JSRP1: variants seen among roughly 807,000 people sequenced by gnomAD.
The protein encoded by JSRP1 is 2310032K21Rik.
Under a neutral mutation model 21.4 loss-of-function variants are expected in JSRP1, and 29 were observed. That is an observed-to-expected ratio of 1.36 (90% CI 1.01 to 1.85). JSRP1 has a LOEUF of 1.85. Ranked by LOEUF, JSRP1 falls within the 40% of genes most tolerant of loss-of-function variation. The pLI is 0.00. For missense variants in JSRP1, 531 were observed against 461.5 expected (o/e 1.15, Z -1.38); for synonymous variants, 221 against 206.1 (o/e 1.07, Z -0.62).
At chr19:2,255,075 T>G in intron 2 of JSRP1, 131 bp downstream of exon 2, 1 of 532,276 alleles carries the variant, frequency 1.9e-6, no homozygotes, top group Non-Finnish European at 3.3e-6. Flanking sequence ...GGGCCAGGGG[T>G]TGAACATGGG....
At chr19:2,253,041 GAGGCACGGTCCAC>G (rs1435137764) in intron 5 of JSRP1, 38 bp from the exon 6 acceptor site, 6 of 1,450,282 alleles carry the variant, frequency 4.1e-6, no homozygotes, top group Non-Finnish European at 5.7e-6. Flanking sequence ...CAGCTGGGCC[GAGGCACGGTCCAC>G]ACTGTCCATC....
At chr19:2,255,971 A>G (rs1383154514) in intron 1 of JSRP1, among the ~76,000 whole-genome samples, 1 of 152,166 alleles carries the variant, frequency 6.6e-6, no homozygotes, top group Non-Finnish European at 1.5e-5. Context: ...ATCCTGACAC[A>G]GAGTACCCTG....
chr19:2,254,430 G>A lies in JSRP1; in HGVS notation c.147+15C>T. 6.2e-7 allele frequency: 1 copy of A among 1,612,836 alleles called. No individual in the cohort carries two copies. Among genetic ancestry groups the A allele is most frequent in the Non-Finnish European group, 8.5e-7 (1 of 1,179,922 alleles). The stretch of plus-strand genomic sequence containing the variant: ...AGGCGTCCTGGGTTAAAGGCTGAGG[G>A]TCCCAGCTACTCACGTGGGGCACGC... On this transcript the variant is annotated intron_variant, in intron 3 of 6. Coordinates refer to ENST00000300961, the MANE Select transcript of JSRP1 (RefSeq NM_144616.4).
intron 5 of JSRP1, among the ~76,000 whole-genome samples, chr19:2,253,289 C>T (rs1399463257): frequency 2.6e-5 from 4 of 152,190 alleles, no homozygotes; most frequent in African/African-American, 9.6e-5. Context: ...CCCCGGGGGG[C>T]GCTCACGAGC....
At position 2,253,732 on chromosome 19, in the gene JSRP1, C is replaced by CA; in HGVS notation, c.323_324insT (p.Pro109AlafsTer70). ...GCTCCTCGCTCAGGGCCGGGGGCGG[C>CA]GGCGGCGGCTGCAGGGGCGGCGCGG... On this transcript the variant is annotated frameshift_variant, in exon 5 of 7. Coordinates refer to ENST00000300961, the MANE Select transcript of JSRP1 (RefSeq NM_144616.4). LOFTEE classifies it high-confidence loss of function. The CA allele has an allele frequency of 6.7e-7, 1 of 1,487,220 alleles. No individual in the cohort carries two copies. Among genetic ancestry groups the CA allele is most frequent in the Non-Finnish European group, 8.9e-7 (1 of 1,126,864 alleles). The allele number at this position is 1,487,220 out of a possible 1,614,324, so 92.1% of individuals were successfully genotyped here. A position where few individuals can be genotyped will look rare whatever the true frequency, so the allele number is the denominator to read the frequency against.
chr19:2,252,984 T>G lies in JSRP1; in HGVS notation c.456A>C (p.Ala152=). The G allele has an allele frequency of 6.2e-7, 1 of 1,606,120 alleles. No individual in the cohort carries two copies. Among genetic ancestry groups the G allele is most frequent in the African/African-American group, 1.3e-5 (1 of 75,000 alleles). Residue 152 remains alanine, a synonymous_variant, in exon 6 of 7, where the codon GCA becomes GCC. Coordinates refer to ENST00000300961, the MANE Select transcript of JSRP1 (RefSeq NM_144616.4). ...QLCRDAVPGE[A]ALQARVPEPW... ...GCTCGGGCACACGTGCTTGGAGTGC[T>G]GCCTCCCCAGGGACGGCGTCTGCAG...
At chr19:2,255,402 C>T in intron 1 of JSRP1, 58 bp from the exon 2 acceptor site, 1 of 798,880 alleles carries the variant, frequency 1.3e-6, no homozygotes, top group Non-Finnish European at 1.9e-6. Flanking sequence ...CAGGCCTGGG[C>T]CTGACCTGGA....
chr19:2,256,107 G>T (rs1004763163), intron 1 of JSRP1, among the ~76,000 whole-genome samples: 58 of 152,206 alleles, frequency 3.8e-4, no homozygotes, highest in Admixed American at 3.8e-3. Context: ...GGGTCCCCAT[G>T]GCCTCTGGCT....
Position 2,255,194 on chromosome 19 carries a change from C to T in JSRP1, c.109+12G>A. Reference sequence around the variant, plus strand: ...AGGGAAGGGCTTCCTCCCGCCAGCGCCACAAGGGTACCTGAAGCCCTGTCC... The same window carrying T: ...AGGGAAGGGCTTCCTCCCGCCAGCGTCACAAGGGTACCTGAAGCCCTGTCC... On this transcript the variant is annotated intron_variant, in intron 2 of 6. Coordinates refer to ENST00000300961, the MANE Select transcript of JSRP1 (RefSeq NM_144616.4). The T allele has an allele frequency of 6.3e-7, 1 of 1,575,380 alleles. No homozygotes were observed.
At position 2,253,602 on chromosome 19, in the gene JSRP1, T is replaced by TG; in HGVS notation, c.436+17dup. On this transcript the variant is annotated intron_variant, in intron 5 of 6. Transcript: ENST00000300961. ...GTGGACCCCAGCCTCGCCCCACCTC[T>TG]GGGGAGCCTGCGCTCACCGCGGCAC... is the stretch of plus-strand genomic sequence containing the variant. The TG allele has an allele frequency of 6.9e-7, 1 of 1,443,102 alleles. No homozygotes were observed. Among genetic ancestry groups the TG allele is most frequent in the African/African-American group, 1.5e-5 (1 of 67,110 alleles). The allele number at this position is 1,443,102 out of a possible 1,614,324, so 89.4% of individuals were successfully genotyped here.
chr19:2,255,689 A>C (rs1171520854), intron 1 of JSRP1, among the ~76,000 whole-genome samples: 1 of 152,180 alleles, frequency 6.6e-6, no homozygotes, highest in Non-Finnish European at 1.5e-5. Flanking sequence ...TTGGCCCCAG[A>C]GTCAGCTCAT....
chr19:2,254,561 C>A, intron 2 of JSRP1, 79 bp from the exon 3 acceptor site: 2 of 1,519,672 alleles, frequency 1.3e-6, no homozygotes, highest in Non-Finnish European at 1.8e-6. Context: ...TGCTGGGTGA[C>A]GTGCGGGTGA....
intron 4 of JSRP1, 126 bp from the exon 5 acceptor site, chr19:2,253,919 G>C: frequency 8.8e-7 from 1 of 1,140,592 alleles, no homozygotes; most frequent in South Asian, 2.0e-5. Context: ...GTGCGGCCCC[G>C]GGCGCAGGTG....
rs571655904 is a variant in JSRP1, at chr19:2,256,099, G to T, written c.-31+284C>A. On this transcript the variant is annotated intron_variant, in intron 1 of 6. Transcript: ENST00000300961. ...CAGACCCAAAGCTGTACTCTTCAGG[G>T]TCCCCATGGCCTCTGGCTGCTGGGA... Among the ~76,000 whole-genome samples the T allele has an allele frequency of 5.6e-4, 86 of 152,320 alleles. 1 individual carries two copies. Among genetic ancestry groups the T allele is most frequent in the African/African-American group, 2.0e-3 (82 of 41,580 alleles).
In JSRP1 at chr19:2,252,339, C is replaced by G; in HGVS notation, c.986G>C (p.Gly329Ala). The G allele has an allele frequency of 1.3e-6, 2 of 1,515,030 alleles. No homozygotes were observed. The highest frequency in any genetic ancestry group is 1.8e-6 in the Non-Finnish European group (2 of 1,135,500). The allele number at this position is 1,515,030 out of a possible 1,614,324, so 93.8% of individuals were successfully genotyped here. ...GSRQKLRAGK[G>A]RD ...CGGCGCGGGGCCGGCTCAGTCCCGC[C>G]CCTTGCCTGCGCGGAGCTTCTGGCG... Residue 329 changes from glycine (G) to alanine (A), a missense_variant, in exon 7 of 7, where the codon GGG becomes GCG. Physicochemically the swap from Gly to Ala is moderately conservative, Grantham distance 60 (BLOSUM62 0). Coordinates refer to ENST00000300961, the MANE Select transcript of JSRP1 (RefSeq NM_144616.4).
intron 1 of JSRP1, 98 bp downstream of exon 1, chr19:2,256,285 C>A (rs1014107590): frequency 6.6e-6 from 1 of 152,222 alleles, no homozygotes; most frequent in Non-Finnish European, 1.5e-5. Flanking sequence ...AATTGGGGAC[C>A]CTTACAGTCC....
At position 2,255,186 on chromosome 19, in the gene JSRP1, C is replaced by T. The variant is rs201521870; in HGVS notation, c.109+20G>A. ...GGACCATCAGGGAAGGGCTTCCTCCCGCCAGCGCCACAAGGGTACCTGAAG... is the reference window on the plus strand; with the variant it reads ...GGACCATCAGGGAAGGGCTTCCTCCTGCCAGCGCCACAAGGGTACCTGAAG... On this transcript the variant is annotated intron_variant, in intron 2 of 6. Transcript: ENST00000300961. 2.3e-4 allele frequency: 361 copies of T among 1,548,618 alleles called. 1 individual carries two copies. The African/African-American group carries it at 3.9e-3, about 17-fold the overall frequency.
In JSRP1 at chr19:2,252,376, G is replaced by T. The variant is rs781295509; in HGVS notation, c.949C>A (p.Arg317=). Residue 317 remains arginine (R), a synonymous_variant, in exon 7 of 7, where the codon CGG becomes AGG. Coordinates refer to ENST00000300961, the MANE Select transcript of JSRP1 (RefSeq NM_144616.4). The stretch of plus-strand genomic sequence containing the variant: ...CGGAGCTTCTGGCGACTCCCAGGCC[G>T]CTGCTCCTCGTCGGGACGCCTCGGG... ...VSPRRPDEEQ[R]PGSRQKLRAG... is the part of the protein sequence containing the mutation. The T allele has an allele frequency of 1.9e-6, 3 of 1,579,074 alleles. No individual in the cohort carries two copies. Among genetic ancestry groups the T allele is most frequent in the Non-Finnish European group, 1.7e-6 (2 of 1,165,592 alleles).
intron 5 of JSRP1, 74 bp from the exon 6 acceptor site, chr19:2,253,077 C>T: frequency 9.6e-7 from 1 of 1,038,102 alleles, no homozygotes; most frequent in Middle Eastern, 2.1e-4. Context: ...TCCCTCACCC[C>T]TAGAGCCCCC....
Sources: gnomAD v4.1 joint callset for allele counts (sites outside exome capture counted in the v4.1 genomes callset) on GRCh38, gnomAD v4.1.1 for gene constraint, MANE v1.5 for transcripts, NCBI Gene and HGNC (gene_info 2026-07-23, HGNC 2026-07-21) for gene names.